The following XKR6 variants were observed in gnomAD, a reference collection of about 807,000 sequenced individuals.
XKR6 encodes XK-related protein 6.
XKR6 carries 22 observed loss-of-function variants against 56.7 expected under a neutral mutation model. The ratio of observed to expected loss-of-function variants is 0.39; its 90% confidence interval spans 0.28 to 0.55. The LOEUF is 0.55. Among genes scored for constraint, XKR6 ranks in the 20% least tolerant of loss-of-function variants. The probability of loss-of-function intolerance (pLI) is 0.66; values close to 1 mark genes in which losing one functional copy is unlikely to be tolerated. For missense variants in XKR6, 852 were observed against 889.0 expected (o/e 0.96, Z 0.53); for synonymous variants, 524 against 387.8 (o/e 1.35, Z -4.13).
rs375546479 is a variant in XKR6 at position 11,060,705 on chromosome 8, G to A, written c.765-135875C>T. ...CAGGAATCACCGCTATTCAATGCCT[G>A]CCTACTAGGCGCCAAATGCTGAGTT... is the stretch of plus-strand genomic sequence containing the variant. On this transcript the variant is annotated intron_variant, in intron 1 of 2. Transcript: ENST00000416569. 6.6e-5 allele frequency among the ~76,000 whole-genome samples: 10 copies of A among 152,350 alleles called. No homozygotes were observed. In the South Asian group the frequency reaches 2.1e-3, roughly 32 times the overall value.
intron 1 of XKR6, among the ~76,000 whole-genome samples, chr8:11,050,271 C>G (rs922751847): frequency 1.8e-4 from 28 of 152,152 alleles, no homozygotes; most frequent in African/African-American, 6.3e-4. Flanking sequence ...CCAACATCAG[C>G]TATCGTCGAG....
At chr8:11,018,437 G>A (rs956490133) in intron 1 of XKR6, among the ~76,000 whole-genome samples, 3 of 152,160 alleles carry the variant, frequency 2.0e-5, no homozygotes, top group African/African-American at 4.8e-5. Context: ...AGAGAGGGAG[G>A]CCAGATGACA....
intron 1 of XKR6, among the ~76,000 whole-genome samples, chr8:11,059,563 C>T (rs944852473): frequency 2.6e-5 from 4 of 152,050 alleles, no homozygotes; most frequent in African/African-American, 7.2e-5. Flanking sequence ...GACAAGAGCT[C>T]GGCTCCTCTT....
At chr8:11,137,129 GA>G (rs1800441224) in intron 1 of XKR6, 1 of 156,078 alleles carries the variant, frequency 6.4e-6, no homozygotes, top group African/African-American at 2.4e-5. Flanking sequence ...TGATGTTTCT[GA>G]AACCAGAGCA....
intron 1 of XKR6, among the ~76,000 whole-genome samples, chr8:10,973,687 T>C (rs1802471550): frequency 6.6e-6 from 1 of 152,174 alleles, no homozygotes; most frequent in Admixed American, 6.5e-5. Flanking sequence ...GCTCAAAGGA[T>C]CCTCCACCTC....
chr8:11,075,123 A>T (rs1033349970), intron 1 of XKR6, among the ~76,000 whole-genome samples: 16 of 152,288 alleles, frequency 1.1e-4, no homozygotes, highest in African/African-American at 3.8e-4. Flanking sequence ...GGCTCCCATA[A>T]GGAGCCCATC....
intron 1 of XKR6, among the ~76,000 whole-genome samples, chr8:11,001,141 GT>G (rs1414334092): frequency 7.2e-5 from 11 of 152,224 alleles, no homozygotes; most frequent in Admixed American, 2.6e-4. Context: ...GGTTGAACAC[GT>G]GCTATGTGTT....
intron 1 of XKR6, among the ~76,000 whole-genome samples, chr8:10,962,159 C>A (rs1191505678): frequency 6.6e-6 from 1 of 152,218 alleles, no homozygotes; most frequent in Admixed American, 6.5e-5. Flanking sequence ...ACACAGGGGA[C>A]TTATTTTCAA....
At chr8:11,006,991 A>T (rs1798384480) in intron 1 of XKR6, among the ~76,000 whole-genome samples, 1 of 152,214 alleles carries the variant, frequency 6.6e-6, no homozygotes, top group African/African-American at 2.4e-5. Context: ...AGGGACAGAC[A>T]TAAGACCAAA....
intron 1 of XKR6, among the ~76,000 whole-genome samples, chr8:11,169,528 A>G (rs950172043): frequency 4.6e-5 from 7 of 152,270 alleles, no homozygotes; most frequent in African/African-American, 1.7e-4. Flanking sequence ...TAAATAAGCC[A>G]GATACAGAAG....
chr8:11,029,558 A>C (rs1318352912), intron 1 of XKR6, among the ~76,000 whole-genome samples: 3 of 152,000 alleles, frequency 2.0e-5, no homozygotes, highest in African/African-American at 7.3e-5. Context: ...CTCACCAAGA[A>C]CTCGGGCATG....
intron 1 of XKR6, among the ~76,000 whole-genome samples, chr8:11,086,825 C>T (rs1032332759): frequency 5.1e-4 from 78 of 152,184 alleles, no homozygotes; most frequent in Admixed American, 1.4e-3. Context: ...GGCAGTGGCA[C>T]GGCTGCTGCC....
At position 11,006,446 on chromosome 8, in the gene XKR6, G is replaced by A. The variant is rs111479927; in HGVS notation, c.765-81616C>T. Reference sequence around the variant, plus strand: ...CATGTCTGAGACATGCCAGTCATTGGAGACATCAATGACCAACATACTTTT... The same window carrying A: ...CATGTCTGAGACATGCCAGTCATTGAAGACATCAATGACCAACATACTTTT... On this transcript the variant is annotated intron_variant, in intron 1 of 2. Transcript: ENST00000416569. Among the ~76,000 whole-genome samples the A allele has an allele frequency of 1.2e-3, 178 of 152,292 alleles. 2 individuals are homozygous for A. Among genetic ancestry groups the A allele is most frequent in the African/African-American group, 4.1e-3 (169 of 41,566 alleles).
At chr8:11,132,135 A>T (rs1800134082) in intron 1 of XKR6, among the ~76,000 whole-genome samples, 1 of 152,038 alleles carries the variant, frequency 6.6e-6, no homozygotes, top group Non-Finnish European at 1.5e-5. Flanking sequence ...TAAAATTTGC[A>T]TTCCTAACAA....
chr8:10,906,593 C>T (rs558145389), intron 2 of XKR6, among the ~76,000 whole-genome samples: 3 of 152,220 alleles, frequency 2.0e-5, no homozygotes, highest in African/African-American at 7.2e-5. Context: ...TCAGGTCTAA[C>T]AGGTTGCTTT....
rs572592933 is a variant in XKR6, at chr8:11,019,802, C to T, written c.765-94972G>A. Reference sequence around the variant, plus strand: ...AAAGTAGGAGCATTGATCAGGCACCCGTGAGGCTCAGAAGCTGTGGCCTCT... The same window carrying T: ...AAAGTAGGAGCATTGATCAGGCACCTGTGAGGCTCAGAAGCTGTGGCCTCT... On this transcript the variant is annotated intron_variant, in intron 1 of 2. Coordinates refer to ENST00000416569, the MANE Select transcript of XKR6 (RefSeq NM_173683.4). Among the ~76,000 whole-genome samples, 4 of 152,296 alleles carry T rather than the reference C, an allele frequency of 2.6e-5. No individual in the cohort carries two copies. The South Asian group carries it at 6.2e-4, about 24-fold the overall frequency.
chr8:11,156,259 A>C (rs1801514655), intron 1 of XKR6, among the ~76,000 whole-genome samples: 1 of 152,012 alleles, frequency 6.6e-6, no homozygotes, highest in African/African-American at 2.4e-5. Flanking sequence ...CTCTGTTCTG[A>C]ATGCTTTTCC....
chr8:11,037,492 C>T (rs565087984), intron 1 of XKR6, among the ~76,000 whole-genome samples: 50 of 152,178 alleles, frequency 3.3e-4, no homozygotes, highest in Non-Finnish European at 6.0e-4. Flanking sequence ...CCAAAAGTAC[C>T]GGGATTACAG....
rs145587790 is a variant in XKR6, at chr8:11,102,824, G to A, written c.764+97752C>T. 1.7e-3 allele frequency among the ~76,000 whole-genome samples: 258 copies of A among 152,304 alleles called. 1 individual carries two copies. Among genetic ancestry groups the A allele is most frequent in the African/African-American group, 5.7e-3 (236 of 41,558 alleles). On this transcript the variant is annotated intron_variant, in intron 1 of 2. Transcript: ENST00000416569. Reference sequence around the variant, plus strand: ...GCCTGTCCCTAGCTCAGAACTGGCTGCATTTGGAGGATTTTCACCCCATCC... The same window carrying A: ...GCCTGTCCCTAGCTCAGAACTGGCTACATTTGGAGGATTTTCACCCCATCC...
Sources: allele counts gnomAD v4.1 joint callset (sites outside exome capture counted in the v4.1 genomes callset), GRCh38; gene constraint gnomAD v4.1.1; transcripts MANE v1.5; gene names NCBI Gene and HGNC (gene_info 2026-07-23, HGNC 2026-07-21).